LOC112694756: variants seen among roughly 807,000 people sequenced by gnomAD.
At chr16:30,067,684 T>G in the LOC112694756 span, 2 of 1,613,524 alleles carry the variant, frequency 1.2e-6, no homozygotes, top group Non-Finnish European at 1.7e-6. Context: ...CCTCCGGACG[T>G]GAGGTTTGAG....
At chr16:30,067,328 C>T in the LOC112694756 span, 1 of 1,613,572 alleles carries the variant, frequency 6.2e-7, no homozygotes, top group Non-Finnish European at 8.5e-7. Context: ...CGCATCGTGG[C>T]ACCTGGCAAG....
chr16:30,064,714 T>TAACC, the LOC112694756 span: 1 of 344,972 alleles, frequency 2.9e-6, no homozygotes, highest in Non-Finnish European at 5.2e-6. Flanking sequence ...AGCTGCCTTA[T>TAACC]AACCAGCCCG....
At chr16:30,066,132 G>C in the LOC112694756 span, 2 of 152,590 alleles carry the variant, frequency 1.3e-5, no homozygotes, top group African/African-American at 2.4e-5. Flanking sequence ...GTCATGGCGG[G>C]GGAGGAAGCC....
the LOC112694756 span, among the ~76,000 whole-genome samples, chr16:30,065,119 T>C: frequency 1.2e-4 from 19 of 152,212 alleles, no homozygotes; most frequent in Non-Finnish European, 2.4e-4. Context: ...CAGCCCGGCC[T>C]GCCAGCCTGG....
chr16:30,057,664 G>A, the LOC112694756 span, among the ~76,000 whole-genome samples: 1 of 152,154 alleles, frequency 6.6e-6, no homozygotes, highest in Non-Finnish European at 1.5e-5. Flanking sequence ...TGTGGGGCAA[G>A]GAGCGCTTTT....
chr16:30,055,428 C>A, the LOC112694756 span: 1 of 398,506 alleles, frequency 2.5e-6, no homozygotes, highest in South Asian at 1.3e-4. Context: ...AGCACCTTCT[C>A]AAGGCCAGGC....
the LOC112694756 span, chr16:30,066,344 C>T: frequency 6.6e-6 from 1 of 152,546 alleles, no homozygotes; most frequent in Non-Finnish European, 1.5e-5. Context: ...GAAACCCCTC[C>T]GCGGTGCTTG....
At chr16:30,068,618 C>G in the LOC112694756 span, 110 of 1,613,480 alleles carry the variant, frequency 6.8e-5, no homozygotes, top group Non-Finnish European at 8.3e-5. Context: ...TTTCCTGTGT[C>G]TTAATGTTGT....
At chr16:30,067,187 G>A in the LOC112694756 span, 1 of 1,610,824 alleles carries the variant, frequency 6.2e-7, no homozygotes, top group Non-Finnish European at 8.5e-7. Flanking sequence ...GGGAGATGAT[G>A]GGAAACCCTA....
chr16:30,063,788 G>T, the LOC112694756 span: 2 of 399,400 alleles, frequency 5.0e-6, no homozygotes, highest in East Asian at 7.1e-5. Flanking sequence ...GTACGTGCCA[G>T]CTCCCCGACT....
chr16:30,061,957 C>T, the LOC112694756 span, among the ~76,000 whole-genome samples: 196 of 151,828 alleles, frequency 1.3e-3, no homozygotes, highest in Admixed American at 4.9e-3. Flanking sequence ...AATCCCAGCA[C>T]TTTGGGAGGC....
chr16:30,065,132 C>G, the LOC112694756 span, among the ~76,000 whole-genome samples: 1 of 152,330 alleles, frequency 6.6e-6, no homozygotes, highest in East Asian at 1.9e-4. Flanking sequence ...CAGCCTGGAA[C>G]TCGGATGGGG....
the LOC112694756 span, among the ~76,000 whole-genome samples, chr16:30,061,529 C>T: frequency 4.5e-5 from 6 of 133,690 alleles, no homozygotes; most frequent in Non-Finnish European, 9.3e-5. Context: ...ACTTGCCTCT[C>T]TGTCTATGCC....
chr16:30,058,510 G>T, the LOC112694756 span, among the ~76,000 whole-genome samples: 1 of 149,322 alleles, frequency 6.7e-6, no homozygotes, highest in African/African-American at 2.5e-5. Flanking sequence ...TTTTGAGACG[G>T]AGTCTTGTTC....
the LOC112694756 span, chr16:30,055,075 T>G: frequency 5.0e-6 from 2 of 398,884 alleles, no homozygotes; most frequent in South Asian, 2.6e-4. Flanking sequence ...GTCCCTCCTC[T>G]CCTGTCCCCA....
the LOC112694756 span, chr16:30,066,742 C>T: frequency 1.0e-5 from 9 of 899,092 alleles, no homozygotes; most frequent in Admixed American, 2.9e-5. Flanking sequence ...GGGTTCTAAT[C>T]TCAGATCTGG....
the LOC112694756 span, among the ~76,000 whole-genome samples, chr16:30,063,435 G>T: frequency 6.6e-6 from 1 of 152,130 alleles, no homozygotes; most frequent in Non-Finnish European, 1.5e-5. Context: ...CCAAATTCTA[G>T]CACGGGACCC....
chr16:30,067,744 T>C, the LOC112694756 span: 4 of 1,527,584 alleles, frequency 2.6e-6, no homozygotes, highest in Non-Finnish European at 3.6e-6. Context: ...GAATGAATGC[T>C]GGATTGGTGG....
At chr16:30,059,026 G>A in the LOC112694756 span, 1 of 398,594 alleles carries the variant, frequency 2.5e-6, no homozygotes, top group Non-Finnish European at 4.4e-6. Flanking sequence ...AGCAGCGGTT[G>A]CTCAGCCCTG....
Sources: allele counts gnomAD v4.1 joint callset (sites outside exome capture counted in the v4.1 genomes callset), GRCh38; gene constraint gnomAD v4.1.1; transcripts MANE v1.5.